The following XPR1 variants were observed in gnomAD, a reference collection of about 807,000 sequenced individuals.
XPR1 encodes the protein xenotropic and polytropic retrovirus receptor 1, also known as solute carrier family 53 member 1.
XPR1 carries 28 observed loss-of-function variants against 87.5 expected under a neutral mutation model. The observed-to-expected ratio is 0.32, with a 90% CI of 0.24 to 0.44. The LOEUF (loss-of-function observed/expected upper bound fraction) is 0.44, where lower values mean the gene tolerates loss of function less well. Among genes scored for constraint, XPR1 ranks in the 20% least tolerant of loss-of-function variants. The probability of loss-of-function intolerance (pLI) is 1.00; values close to 1 mark genes in which losing one functional copy is unlikely to be tolerated. For synonymous variants in XPR1, 300 were observed against 306.1 expected (o/e 0.98, Z 0.21); for missense variants, 559 against 862.3 (o/e 0.65, Z 4.41).
intron 1 of XPR1, among the ~76,000 whole-genome samples, chr1:180,679,211 A>C (rs1656475184): frequency 6.6e-6 from 1 of 150,428 alleles, no homozygotes; most frequent in Non-Finnish European, 1.5e-5. Context: ...CAAAAAAACA[A>C]ACAAACAAAA....
At chr1:180,636,162 C>T (rs899446779) in intron 1 of XPR1, among the ~76,000 whole-genome samples, 1 of 152,152 alleles carries the variant, frequency 6.6e-6, no homozygotes, top group Non-Finnish European at 1.5e-5. Flanking sequence ...TAACGATTTT[C>T]ATTTATAGAA....
intron 2 of XPR1, among the ~76,000 whole-genome samples, chr1:180,731,007 G>C (rs562887650): frequency 1.3e-5 from 2 of 152,156 alleles, no homozygotes; most frequent in East Asian, 3.9e-4. Flanking sequence ...GTGATTCTCT[G>C]TTCCCTGCAT....
rs773949866 is a variant in XPR1, at chr1:180,880,270, C to A, written c.2003C>A (p.Ser668Tyr). The A allele has an allele frequency of 1.2e-6, 2 of 1,614,178 alleles. No homozygotes were observed. The highest frequency in any genetic ancestry group is 2.2e-5 in the East Asian group (1 of 44,884). The change falls in exon 14 of 15, where the codon TCC becomes TAC. Residue 668 changes from serine to tyrosine, a missense_variant. This residue lies in a region of XPR1 where 80 missense variants were observed against 99.5 expected (regional missense o/e 0.80). Coordinates refer to ENST00000367590, the MANE Select transcript of XPR1 (RefSeq NM_004736.4). ...NRSWKYNQSISLRRPRLASQS... is the reference protein window; with the variant it reads ...NRSWKYNQSIYLRRPRLASQS... ...TCATGGAAGTACAACCAGAGCATATCCCTGCGCCGGCCTCGCCTCGCTTCT... is the reference window on the plus strand; with the variant it reads ...TCATGGAAGTACAACCAGAGCATATACCTGCGCCGGCCTCGCCTCGCTTCT...
At chr1:180,674,782 G>C (rs1656311099) in intron 1 of XPR1, among the ~76,000 whole-genome samples, 1 of 152,110 alleles carries the variant, frequency 6.6e-6, no homozygotes, top group Non-Finnish European at 1.5e-5. Flanking sequence ...CAGCCACTCT[G>C]TTATGCTGCC....
chr1:180,701,905 T>G lies in XPR1; in HGVS notation c.121+19494T>G, dbSNP rs1657346578. 1.6e-5 allele frequency among the ~76,000 whole-genome samples: 2 copies of G among 125,382 alleles called. 1 individual carries two copies. Among genetic ancestry groups the G allele is most frequent in the Admixed American group, 1.5e-4 (2 of 13,030 alleles). 82.3% of individuals were successfully genotyped at this position (125,382 alleles called of 152,430 possible). A position where few individuals can be genotyped will look rare whatever the true frequency, so the allele number is the denominator to read the frequency against. ...AAAACCAGCTCCTGGATTCATTGATTTTTTGAAGGGTTTTTTGTGTCTCTA... is the reference window on the plus strand; with the variant it reads ...AAAACCAGCTCCTGGATTCATTGATGTTTTGAAGGGTTTTTTGTGTCTCTA... On this transcript the variant is annotated intron_variant, in intron 2 of 14. Coordinates refer to ENST00000367590, the MANE Select transcript of XPR1 (RefSeq NM_004736.4).
chr1:180,842,298 C>T (rs1447782507), intron 11 of XPR1, among the ~76,000 whole-genome samples: 1 of 152,084 alleles, frequency 6.6e-6, no homozygotes, highest in Non-Finnish European at 1.5e-5. Flanking sequence ...TTCAGAGTGT[C>T]TCATGTTTTG....
intron 1 of XPR1, among the ~76,000 whole-genome samples, chr1:180,650,952 A>G (rs1484628609): frequency 1.3e-5 from 2 of 152,206 alleles, no homozygotes; most frequent in Non-Finnish European, 2.9e-5. Flanking sequence ...TTCTATCATC[A>G]TTAAAAATAA....
intron 1 of XPR1, among the ~76,000 whole-genome samples, chr1:180,648,982 G>A (rs1473306193): frequency 1.3e-5 from 2 of 151,958 alleles, no homozygotes; most frequent in Non-Finnish European, 2.9e-5. Flanking sequence ...TCTTTTTGGG[G>A]GACTTATGCA....
intron 1 of XPR1, among the ~76,000 whole-genome samples, chr1:180,676,368 A>G (rs1656369841): frequency 6.6e-6 from 1 of 152,154 alleles, no homozygotes; most frequent in South Asian, 2.1e-4. Flanking sequence ...CTTCATTCAA[A>G]CATTTGAATC....
intron 1 of XPR1, among the ~76,000 whole-genome samples, chr1:180,671,021 G>A (rs1656151989): frequency 6.6e-6 from 1 of 152,186 alleles, no homozygotes; most frequent in Non-Finnish European, 1.5e-5. Flanking sequence ...AGTAAAAAAA[G>A]GCAAAGATAG....
At chr1:180,713,224 G>C (rs912608941) in intron 2 of XPR1, among the ~76,000 whole-genome samples, 2 of 151,980 alleles carry the variant, frequency 1.3e-5, no homozygotes, top group Non-Finnish European at 2.9e-5. Flanking sequence ...TTATTTCTAA[G>C]TATTCAATTT....
intron 2 of XPR1, among the ~76,000 whole-genome samples, chr1:180,784,552 T>C (rs144760558): frequency 6.6e-6 from 1 of 152,206 alleles, no homozygotes; most frequent in East Asian, 1.9e-4. Flanking sequence ...GGAAATTTTT[T>C]ATTTTCTGAA....
At position 180,884,016 on chromosome 1, in the gene XPR1, C is replaced by T. The variant is rs571315671; in HGVS notation, c.2041C>T (p.Arg681Cys). The T allele has an allele frequency of 2.0e-5, 32 of 1,614,012 alleles. No individual in the cohort carries two copies. The highest frequency in any genetic ancestry group is 4.5e-5 in the East Asian group (2 of 44,882). The change falls in exon 15 of 15, where the codon CGT (arginine) becomes TGT (cysteine). Residue 681 changes from arginine to cysteine, a missense_variant. Physicochemically the swap from Arg to Cys is radical, Grantham distance 180. This residue lies in a region of XPR1 where 80 missense variants were observed against 99.5 expected (regional missense o/e 0.80). Coordinates refer to ENST00000367590, the MANE Select transcript of XPR1 (RefSeq NM_004736.4). ...CCTTGTTACCACTAGATCCAAGGCTCGTGACACTAAGGTATTGATAGAAGA... is the reference window on the plus strand; with the variant it reads ...CCTTGTTACCACTAGATCCAAGGCTTGTGACACTAAGGTATTGATAGAAGA... ...RPRLASQSKA[R>C]DTKVLIEDTD... is the part of the protein sequence containing the mutation.
intron 14 of XPR1, 93 bp downstream of exon 14, chr1:180,880,390 T>C: frequency 7.0e-7 from 1 of 1,421,224 alleles, no homozygotes; most frequent in Non-Finnish European, 9.7e-7. Flanking sequence ...TTGAACCAAA[T>C]GAAATTGCCA....
At chr1:180,708,114 G>A (rs73034824) in intron 2 of XPR1, among the ~76,000 whole-genome samples, 6,605 of 152,226 alleles carry the variant, frequency 0.043, 512 homozygotes, top group African/African-American at 0.15. Flanking sequence ...AATTAGCTGC[G>A]TGATACTGTT....
At chr1:180,820,071 T>C (rs1650571420) in intron 7 of XPR1, among the ~76,000 whole-genome samples, 1 of 151,942 alleles carries the variant, frequency 6.6e-6, no homozygotes, top group South Asian at 2.1e-4. Context: ...ATACCTAACA[T>C]AGAAATTAGT....
Position 180,834,897 on chromosome 1 carries a change from C to G in XPR1, c.1158C>G (p.Phe386Leu), listed in dbSNP as rs61742073. 1.9e-6 allele frequency: 3 copies of G among 1,612,248 alleles called. No individual in the cohort carries two copies. Among genetic ancestry groups the G allele is most frequent in the Non-Finnish European group, 2.5e-6 (3 of 1,179,308 alleles). The change falls in exon 10 of 15, where the codon TTC (phenylalanine) becomes TTG (leucine). Residue 386 changes from phenylalanine to leucine, a missense_variant. Transcript: ENST00000367590. ...KLLFRVFTAP[F>L]HKVGFADFWL... is the part of the protein sequence containing the mutation. ...AGTTTCGAGTATTTACAGCCCCCTT[C>G]CATAAGGTAGGCTTTGCTGATTTCT...
intron 1 of XPR1, among the ~76,000 whole-genome samples, chr1:180,646,276 C>T (rs1655117369): frequency 6.6e-6 from 1 of 152,220 alleles, no homozygotes; most frequent in Admixed American, 6.5e-5. Context: ...AACTCTTCAC[C>T]AATAGTAAAG....
chr1:180,728,689 A>AG (rs1374012682), intron 2 of XPR1, among the ~76,000 whole-genome samples: 1 of 152,240 alleles, frequency 6.6e-6, no homozygotes, highest in African/African-American at 2.4e-5. Flanking sequence ...ATGGAAGCTC[A>AG]GAGACCTTAG....
Sources: allele counts gnomAD v4.1 joint callset (sites outside exome capture counted in the v4.1 genomes callset), GRCh38; gene constraint gnomAD v4.1.1; regional missense constraint gnomAD v4.1.1; transcripts MANE v1.5; gene names NCBI Gene and HGNC (gene_info 2026-07-23, HGNC 2026-07-21).